Variants in DPY19L2 observed in about 807,000 individuals in gnomAD.
The protein encoded by DPY19L2 is probable C-mannosyltransferase DPY19L2.
Under a neutral mutation model 97.9 loss-of-function variants are expected in DPY19L2, and 34 were observed. The ratio of observed to expected loss-of-function variants is 0.35; its 90% CI spans 0.26 to 0.46. The LOEUF (loss-of-function observed/expected upper bound fraction) is 0.46. DPY19L2 is among the 20% of genes least tolerant of loss of function. DPY19L2 has a pLI of 1.00. For missense variants in DPY19L2, 623 were observed against 911.4 expected (o/e 0.68, Z 4.07); for synonymous variants, 230 against 307.9 (o/e 0.75, Z 2.65).
intron 6 of DPY19L2, among the ~76,000 whole-genome samples, chr12:63,638,747 A>T (rs890709627): frequency 2.6e-5 from 4 of 152,198 alleles, no homozygotes; most frequent in African/African-American, 9.6e-5. Flanking sequence ...CTGGATAGGA[A>T]GGATCAATAT....
At chr12:63,569,540 A>G (rs556677727) in intron 20 of DPY19L2, 191 bp from the exon 21 acceptor site, 11 of 400,536 alleles carry the variant, frequency 2.7e-5, no homozygotes, top group South Asian at 1.5e-4. Context: ...ATGTAATAAA[A>G]CTTACAGCAA....
Position 63,560,632 on chromosome 12 carries a change from A to G in DPY19L2, c.2157T>C (p.Asp719=), listed in dbSNP as rs1381184062. The change falls in exon 22 of 22, where the codon GAT becomes GAC. Residue 719 remains aspartate (D), a synonymous_variant. Coordinates refer to ENST00000324472, the MANE Select transcript of DPY19L2 (RefSeq NM_173812.5). Reference sequence around the variant, plus strand: ...TAGCTGCATTGGAAGGGTCTTCCACATCCCAGATTTCAAGCATACTGCAAC... The same window carrying G: ...TAGCTGCATTGGAAGGGTCTTCCACGTCCCAGATTTCAAGCATACTGCAAC... The part of the protein sequence containing the change: ...KPGCSMLEIW[D]VEDPSNAANP... 6.2e-7 allele frequency: 1 copy of G among 1,613,922 alleles called. No individual in the cohort carries two copies. Among genetic ancestry groups the G allele is most frequent in the African/African-American group, 1.3e-5 (1 of 74,930 alleles).
At chr12:63,657,920 T>C (rs1895180467) in intron 4 of DPY19L2, among the ~76,000 whole-genome samples, 1 of 152,204 alleles carries the variant, frequency 6.6e-6, no homozygotes, top group African/African-American at 2.4e-5. Flanking sequence ...GCAGTTCCTA[T>C]TGCAGAATGC....
intron 16 of DPY19L2, among the ~76,000 whole-genome samples, chr12:63,590,482 A>G (rs555061134): frequency 3.1e-4 from 47 of 152,242 alleles, no homozygotes; most frequent in African/African-American, 1.1e-3. Flanking sequence ...TGGTTTTTTT[A>G]AGACAAAAGT....
At chr12:63,626,880 A>G (rs1408656818) in intron 6 of DPY19L2, among the ~76,000 whole-genome samples, 1 of 151,926 alleles carries the variant, frequency 6.6e-6, no homozygotes, top group Admixed American at 6.6e-5. Context: ...CTGGGTTCCA[A>G]CGATTCTCCT....
intron 16 of DPY19L2, among the ~76,000 whole-genome samples, chr12:63,593,610 A>T (rs1883566308): frequency 1.3e-5 from 2 of 152,022 alleles, no homozygotes; most frequent in African/African-American, 4.8e-5. Flanking sequence ...TGGACACAGG[A>T]AGGGGAACAT....
At chr12:63,628,564 C>T (rs1890003713) in intron 6 of DPY19L2, among the ~76,000 whole-genome samples, 1 of 152,132 alleles carries the variant, frequency 6.6e-6, no homozygotes, top group African/African-American at 2.4e-5. Context: ...AACAAAGCAG[C>T]CAGGAAGCTC....
intron 12 of DPY19L2, among the ~76,000 whole-genome samples, chr12:63,605,908 C>T (rs1203558995): frequency 2.0e-5 from 3 of 152,082 alleles, no homozygotes; most frequent in Non-Finnish European, 4.4e-5. Context: ...CTGGGGAGAA[C>T]TGCATTACAT....
chr12:63,593,699 G>A (rs960775413), intron 16 of DPY19L2, among the ~76,000 whole-genome samples: 1 of 151,966 alleles, frequency 6.6e-6, no homozygotes, highest in Non-Finnish European at 1.5e-5. Context: ...TAAATGACAA[G>A]TTAATGGGTG....
chr12:63,593,618 C>T (rs1166635180), intron 16 of DPY19L2, among the ~76,000 whole-genome samples: 2 of 151,820 alleles, frequency 1.3e-5, no homozygotes, highest in African/African-American at 4.8e-5. Flanking sequence ...GGAAGGGGAA[C>T]ATCACACTCT....
chr12:63,576,211 G>C (rs1879786435), intron 19 of DPY19L2, among the ~76,000 whole-genome samples: 1 of 151,846 alleles, frequency 6.6e-6, no homozygotes, highest in Admixed American at 6.6e-5. Context: ...CATCTCCATA[G>C]ATGCGGGAAA....
At chr12:63,594,962 G>T (rs567241094) in intron 15 of DPY19L2, among the ~76,000 whole-genome samples, 1 of 152,276 alleles carries the variant, frequency 6.6e-6, no homozygotes, top group East Asian at 1.9e-4. Flanking sequence ...ATGCAGGGCG[G>T]TAAACCTGCT....
At chr12:63,560,997 C>T (rs1354905519) in intron 21 of DPY19L2, among the ~76,000 whole-genome samples, 1 of 152,088 alleles carries the variant, frequency 6.6e-6, no homozygotes, top group African/African-American at 2.4e-5. Flanking sequence ...ACATAAGGCC[C>T]ATTTGTAGTA....
intron 6 of DPY19L2, among the ~76,000 whole-genome samples, chr12:63,636,105 G>A (rs1296798008): frequency 5.7e-5 from 1 of 17,664 alleles, no homozygotes; most frequent in African/African-American, 3.6e-4. Flanking sequence ...CAAGCCAGAA[G>A]GGGGGGCGGC....
intron 12 of DPY19L2, among the ~76,000 whole-genome samples, chr12:63,604,170 C>T (rs1023248738): frequency 2.6e-5 from 4 of 152,220 alleles, no homozygotes; most frequent in African/African-American, 9.6e-5. Context: ...CCCCAACCTT[C>T]TGGCTTCCTT....
intron 7 of DPY19L2, among the ~76,000 whole-genome samples, chr12:63,625,215 G>C (rs1469450552): frequency 6.6e-6 from 1 of 151,990 alleles, no homozygotes; most frequent in African/African-American, 2.4e-5. Flanking sequence ...GGCCAACATG[G>C]TGAAACTCCA....
intron 4 of DPY19L2, 49 bp downstream of exon 4, chr12:63,661,295 A>G: frequency 6.7e-7 from 1 of 1,488,104 alleles, no homozygotes; most frequent in Non-Finnish European, 8.9e-7. Flanking sequence ...TTTTTATCTG[A>G]CAAAGAGGAT....
intron 19 of DPY19L2, among the ~76,000 whole-genome samples, chr12:63,577,178 C>T (rs1012779950): frequency 2.6e-4 from 39 of 151,920 alleles, no homozygotes; most frequent in African/African-American, 9.2e-4. Context: ...AAAACATACA[C>T]TGGGGAAAGG....
At chr12:63,580,982 T>C in intron 18 of DPY19L2, 146 bp from the exon 19 acceptor site, 2 of 861,008 alleles carry the variant, frequency 2.3e-6, no homozygotes, top group Non-Finnish European at 3.4e-6. Flanking sequence ...TCTCCGATTG[T>C]TTCTAAAGCA....
Sources: gnomAD v4.1 joint callset for allele counts (sites outside exome capture counted in the v4.1 genomes callset) on GRCh38, gnomAD v4.1.1 for gene constraint, MANE v1.5 for transcripts, NCBI Gene and HGNC (gene_info 2026-07-23, HGNC 2026-07-21) for gene names.